TBC1D8: variants seen among roughly 807,000 people sequenced by gnomAD.
TBC1D8 encodes the protein TBC1 domain family member 8.
TBC1D8 carries 65 observed loss-of-function variants against 118.8 expected under a neutral mutation model. The observed-to-expected ratio is 0.55, with a 90% CI of 0.45 to 0.67. The LOEUF is 0.67. Among genes scored for constraint, TBC1D8 ranks in the 30% least tolerant of loss-of-function variants. The pLI is 0.00. For missense variants in TBC1D8, 1,376 were observed against 1,471.2 expected (o/e 0.94, Z 1.06); for synonymous variants, 566 against 595.8 (o/e 0.95, Z 0.73).
At chr2:101,123,573 C>T (rs1678221196) in intron 1 of TBC1D8, among the ~76,000 whole-genome samples, 1 of 152,190 alleles carries the variant, frequency 6.6e-6, no homozygotes, top group Non-Finnish European at 1.5e-5. Context: ...TCTGTGGAAG[C>T]TGTGTTCTTG....
chr2:101,010,014 G>C (rs536096014), intron 19 of TBC1D8, among the ~76,000 whole-genome samples: 34 of 151,750 alleles, frequency 2.2e-4, no homozygotes, highest in African/African-American at 7.8e-4. Context: ...TTTTAGTAGA[G>C]ACGGGGTTTC....
At chr2:101,103,912 T>G (rs1295580604) in intron 1 of TBC1D8, among the ~76,000 whole-genome samples, 1 of 152,140 alleles carries the variant, frequency 6.6e-6, no homozygotes, top group Non-Finnish European at 1.5e-5. Context: ...AACAAAACTT[T>G]GTTCACAGAT....
At chr2:101,096,838 C>T (rs1017695002) in intron 1 of TBC1D8, among the ~76,000 whole-genome samples, 5 of 150,522 alleles carry the variant, frequency 3.3e-5, no homozygotes, top group African/African-American at 1.2e-4. Context: ...AGGAATAGAA[C>T]ATCCAGCAAC....
chr2:101,127,706 T>G (rs1678415599), intron 1 of TBC1D8, among the ~76,000 whole-genome samples: 1 of 152,152 alleles, frequency 6.6e-6, no homozygotes, highest in Admixed American at 6.5e-5. Flanking sequence ...CCAGCCTTGT[T>G]GACCTTTTAG....
chr2:101,035,328 C>T (rs1438057663), intron 9 of TBC1D8, among the ~76,000 whole-genome samples: 1 of 152,144 alleles, frequency 6.6e-6, no homozygotes, highest in African/African-American at 2.4e-5. Flanking sequence ...AGGAGCAAGT[C>T]GCTCACAGTT....
chr2:101,048,106 C>A (rs956933037), intron 5 of TBC1D8, among the ~76,000 whole-genome samples: 14 of 152,226 alleles, frequency 9.2e-5, no homozygotes, highest in Non-Finnish European at 1.5e-4. Context: ...ATGTGCCCCA[C>A]ACACACAGGG....
chr2:101,007,890 A>C lies in TBC1D8; in HGVS notation c.3399T>G (p.Asn1133Lys), dbSNP rs779657723. The change falls in exon 20 of 20, where the codon AAT becomes AAG. Residue 1133 changes from asparagine to lysine, a missense_variant. Physicochemically the swap from Asn to Lys is moderately conservative, Grantham distance 94. Coordinates refer to ENST00000409318, the MANE Select transcript of TBC1D8 (RefSeq NM_001330348.2). ...MKSKLENAKI[N>K]QYNLKTFEMS... is the part of the protein sequence containing the mutation. ...TTTCAAAAGTTTTGAGATTGTACTG[A>C]TTGATCTTGGCATTTTCAAGTTTGG... 4.6e-5 allele frequency: 74 copies of C among 1,613,872 alleles called. 1 individual carries two copies. Among genetic ancestry groups the C allele is most frequent in the Non-Finnish European group, 6.0e-5 (71 of 1,179,896 alleles).
rs369454665 is a variant in TBC1D8, at chr2:101,050,557, G to T, written c.716C>A (p.Thr239Lys). The change falls in exon 5 of 20, where the codon ACG becomes AAG. Residue 239 changes from threonine to lysine, a missense_variant. Coordinates refer to ENST00000409318, the MANE Select transcript of TBC1D8 (RefSeq NM_001330348.2). ...GGAGAAGTCACGCTCCTTATTCTGC[G>T]TGGTGATTCGGATGGTATCCGTCAG... Reference protein sequence around the residue: ...VFLTDTIRITTQNKERDFSMF... With the variant: ...VFLTDTIRITKQNKERDFSMF... The T allele has an allele frequency of 6.2e-7, 1 of 1,613,990 alleles. No individual in the cohort carries two copies. Among genetic ancestry groups the T allele is most frequent in the South Asian group, 1.1e-5 (1 of 91,082 alleles).
chr2:101,050,284 A>G (rs1463577164), intron 5 of TBC1D8, 117 bp downstream of exon 5: 5 of 1,442,346 alleles, frequency 3.5e-6, no homozygotes, highest in Admixed American at 2.4e-5. Flanking sequence ...ATTATGCCAC[A>G]AGGGAAATTT....
chr2:101,060,414 T>C (rs1376829637), intron 2 of TBC1D8, among the ~76,000 whole-genome samples: 2 of 152,216 alleles, frequency 1.3e-5, no homozygotes, highest in Non-Finnish European at 2.9e-5. Flanking sequence ...GCATACTTCA[T>C]ATCATTTATA....
At chr2:101,133,540 G>A (rs1192041652) in intron 1 of TBC1D8, among the ~76,000 whole-genome samples, 1 of 152,168 alleles carries the variant, frequency 6.6e-6, no homozygotes. Context: ...CAAGGCACCA[G>A]CAGATTTGGT....
At chr2:101,014,484 A>G (rs1029944006) in intron 17 of TBC1D8, among the ~76,000 whole-genome samples, 3 of 152,200 alleles carry the variant, frequency 2.0e-5, no homozygotes, top group Non-Finnish European at 4.4e-5. Context: ...TCATCAACAC[A>G]TCATCCCTTT....
At position 101,054,239 on chromosome 2, in the gene TBC1D8, T is replaced by G. The variant is rs746036791; in HGVS notation, c.500A>C (p.Asn167Thr). ...GACCAGCTTCTCCGCCTCGGGGAAG[T>G]TGAACCTGGCCTCGAACTTCACCAG... ...EALVKFEARFNFPEAEKLVTY... is the reference protein window; with the variant it reads ...EALVKFEARFTFPEAEKLVTY... Residue 167 changes from asparagine (N) to threonine (T), a missense_variant, in exon 4 of 20, where the codon AAC (asparagine) becomes ACC (threonine). Transcript: ENST00000409318. 1 of 1,608,106 alleles carries G rather than the reference T, an allele frequency of 6.2e-7. No individual in the cohort carries two copies.
intron 1 of TBC1D8, among the ~76,000 whole-genome samples, chr2:101,139,033 C>G (rs922057076): frequency 1.3e-5 from 2 of 152,170 alleles, no homozygotes; most frequent in African/African-American, 4.8e-5. Flanking sequence ...AGAGGCCAAA[C>G]AAGAAATACA....
chr2:101,008,228 C>T lies in TBC1D8; in HGVS notation c.3061G>A (p.Glu1021Lys). The T allele has an allele frequency of 1.9e-6, 3 of 1,598,880 alleles. No homozygotes were observed. Among genetic ancestry groups the T allele is most frequent in the South Asian group, 2.3e-5 (2 of 88,718 alleles). The change falls in exon 20 of 20, where the codon GAA becomes AAA. Residue 1021 changes from glutamate (E) to lysine (K), a missense_variant. By Grantham distance (56) the Glu-to-Lys change is moderately conservative. Transcript: ENST00000409318. Reference protein sequence around the residue: ...FCKTLYSMFHEDPEENDLYQA... With the variant: ...FCKTLYSMFHKDPEENDLYQA... ...TACAAATCATTTTCTTCTGGATCTT[C>T]ATGGAACATACTGTACAGAGTTTTA...
chr2:101,110,280 T>C (rs1220254640), intron 1 of TBC1D8, among the ~76,000 whole-genome samples: 1 of 152,214 alleles, frequency 6.6e-6, no homozygotes, highest in Non-Finnish European at 1.5e-5. Flanking sequence ...TAATGGTTTT[T>C]ATAACCACTG....
intron 1 of TBC1D8, among the ~76,000 whole-genome samples, chr2:101,146,319 T>C (rs1679315591): frequency 6.6e-6 from 1 of 151,534 alleles, no homozygotes; most frequent in Non-Finnish European, 1.5e-5. Flanking sequence ...TATACCATAC[T>C]TCCTCCCTTC....
chr2:101,035,926 C>T, intron 9 of TBC1D8, 92 bp downstream of exon 9: 1 of 1,404,590 alleles, frequency 7.1e-7, no homozygotes, highest in Non-Finnish European at 9.8e-7. Flanking sequence ...ACCATTTCAT[C>T]TGCACATAAA....
chr2:101,103,307 C>T (rs1444976087), intron 1 of TBC1D8, among the ~76,000 whole-genome samples: 1 of 138,106 alleles, frequency 7.2e-6, no homozygotes, highest in African/African-American at 2.7e-5. Context: ...ATCCAACATC[C>T]ATTCATGATT....
Sources: gnomAD v4.1 joint callset for allele counts (sites outside exome capture counted in the v4.1 genomes callset) on GRCh38, gnomAD v4.1.1 for gene constraint, MANE v1.5 for transcripts, NCBI Gene and HGNC (gene_info 2026-07-23, HGNC 2026-07-21) for gene names.